The following LAMB1 variants were observed in gnomAD, a reference collection of about 807,000 sequenced individuals.
LAMB1 encodes laminin subunit beta-1.
Under a neutral mutation model 222.3 loss-of-function variants are expected in LAMB1, and 121 were observed. The ratio of observed to expected loss-of-function variants is 0.54; its 90% CI spans 0.47 to 0.63. LAMB1 has a LOEUF of 0.63. Ranked by LOEUF, LAMB1 falls within the 30% of genes least tolerant of loss-of-function variation. The probability of loss-of-function intolerance (pLI) is 0.00; values close to 1 mark genes in which losing one functional copy is unlikely to be tolerated. For missense variants in LAMB1, 2,172 were observed against 2,240.8 expected, an observed-to-expected ratio of 0.97 and a Z score of 0.62; for synonymous variants, 794 against 807.2, an observed-to-expected ratio of 0.98 and a Z score of 0.28.
At chr7:107,974,512 A>C (rs964300841) in intron 12 of LAMB1, among the ~76,000 whole-genome samples, 1 of 152,190 alleles carries the variant, frequency 6.6e-6, no homozygotes, top group Non-Finnish European at 1.5e-5. Flanking sequence ...TAAAAGATGC[A>C]ATGAGTCTTC....
chr7:107,949,669 C>T (rs181811182), intron 24 of LAMB1, among the ~76,000 whole-genome samples: 1 of 152,266 alleles, frequency 6.6e-6, no homozygotes, highest in East Asian at 1.9e-4. Flanking sequence ...AACATTATCC[C>T]CACTGTGAAA....
At position 107,940,342 on chromosome 7, in the gene LAMB1, G is replaced by C; in HGVS notation, c.3408C>G (p.Pro1136=). ...CACACTGTGGCGTCTCAATGCCCCT[G>C]GGGTCACAGTCACAGGCTAGAAGGG... ...DVECRACDCD[P]RGIETPQCDQ... Residue 1136 remains proline, a synonymous_variant, in exon 25 of 34, where the codon CCC becomes CCG. Coordinates refer to ENST00000222399, the MANE Select transcript of LAMB1 (RefSeq NM_002291.3). 1 of 1,613,526 alleles carries C rather than the reference G, an allele frequency of 6.2e-7. No individual in the cohort carries two copies. Among genetic ancestry groups the C allele is most frequent in the Non-Finnish European group, 8.5e-7 (1 of 1,179,508 alleles).
Position 107,931,481 on chromosome 7 carries a change from C to T in LAMB1, c.4412G>A (p.Arg1471Lys), listed in dbSNP as rs2032709745. The change falls in exon 29 of 34, where the codon AGG becomes AAG. Residue 1471 changes from arginine (R) to lysine (K), a missense_variant. Physicochemically the swap from Arg to Lys is conservative, Grantham distance 26 (BLOSUM62 2). Coordinates refer to ENST00000222399, the MANE Select transcript of LAMB1 (RefSeq NM_002291.3). ...LSKMVSEAKL[R>K]ADEAKQSAED... ...AGCACTTTGTTTTGCCTCATCTGCC[C>T]TCAGTTTTGCTTCAGAGACCTAAAT... 6.2e-7 allele frequency: 1 copy of T among 1,613,478 alleles called. No individual in the cohort carries two copies. The highest frequency in any genetic ancestry group is 8.5e-7 in the Non-Finnish European group (1 of 1,179,828).
intron 24 of LAMB1, among the ~76,000 whole-genome samples, chr7:107,950,061 C>G (rs544908961): frequency 6.6e-6 from 1 of 152,140 alleles, no homozygotes; most frequent in Non-Finnish European, 1.5e-5. Context: ...GAAACCCCAT[C>G]TCTACTAAAA....
At chr7:107,936,971 G>T in intron 26 of LAMB1, 122 bp downstream of exon 26, 1 of 778,172 alleles carries the variant, frequency 1.3e-6, no homozygotes, top group Non-Finnish European at 2.0e-6. Context: ...CCAGAAACTG[G>T]ATGAGCAAAA....
intron 26 of LAMB1, 22 bp downstream of exon 26, chr7:107,937,071 A>C: frequency 6.2e-7 from 1 of 1,601,048 alleles, no homozygotes; most frequent in Non-Finnish European, 8.6e-7. Flanking sequence ...GTCTGGGACT[A>C]TTTGCACCAA....
At chr7:107,931,555 C>A in intron 28 of LAMB1, 55 bp from the exon 29 acceptor site, 1 of 1,499,816 alleles carries the variant, frequency 6.7e-7, no homozygotes, top group East Asian at 2.3e-5. Flanking sequence ...CTAAAGGAGA[C>A]CAGAATATTG....
At chr7:107,963,154 T>A in intron 14 of LAMB1, 91 bp from the exon 15 acceptor site, 1 of 1,228,794 alleles carries the variant, frequency 8.1e-7, no homozygotes, top group Admixed American at 2.3e-5. Flanking sequence ...ACCCAAAGAT[T>A]CAAAAAGGGT....
intron 5 of LAMB1, among the ~76,000 whole-genome samples, chr7:107,993,849 C>CCCA (rs1189317501): frequency 2.6e-5 from 4 of 152,166 alleles, no homozygotes; most frequent in Non-Finnish European, 5.9e-5. Flanking sequence ...AGTCACAGTG[C>CCCA]CCACCTTCCT....
At chr7:107,959,883 C>CGG in intron 18 of LAMB1, 49 bp from the exon 19 acceptor site, 1 of 1,583,830 alleles carries the variant, frequency 6.3e-7, no homozygotes, top group Non-Finnish European at 8.6e-7. Context: ...AGCACATCAT[C>CGG]GGGCTCTCCC....
At chr7:107,942,332 T>C (rs1456252389) in intron 24 of LAMB1, 1 of 152,270 alleles carries the variant, frequency 6.6e-6, no homozygotes, top group Non-Finnish European at 1.5e-5. Flanking sequence ...CCAGAACCAG[T>C]TATACTGAGG....
In LAMB1 at chr7:107,929,243, A is replaced by T. The variant is rs372790348; in HGVS notation, c.4746-38T>A. The T allele has an allele frequency of 1.9e-6, 3 of 1,610,856 alleles. No individual in the cohort carries two copies. The African/African-American group carries it at 4.0e-5, about 22-fold the overall frequency. ...TAATGAGACAGTATATTGTTGCTGA[A>T]CATGAAAAAAGTACTCTCAGTGTTC... On this transcript the variant is annotated intron_variant, in intron 30 of 33. Coordinates refer to ENST00000222399, the MANE Select transcript of LAMB1 (RefSeq NM_002291.3).
chr7:107,943,429 ATAACT>A (rs1435441841), intron 24 of LAMB1, among the ~76,000 whole-genome samples: 1 of 152,214 alleles, frequency 6.6e-6, no homozygotes, highest in Non-Finnish European at 1.5e-5. Flanking sequence ...TAACTTACAA[ATAACT>A]TAAATAACTT....
Position 107,994,817 on chromosome 7 carries a change from A to T in LAMB1, c.423+70T>A, listed in dbSNP as rs1368877233. 7.3e-6 allele frequency: 6 copies of T among 820,162 alleles called. No individual in the cohort carries two copies. In the African/African-American group the frequency reaches 1.0e-4, roughly 14 times the overall value. 50.8% of individuals were successfully genotyped at this position (820,162 alleles called of 1,614,324 possible). A position where few individuals can be genotyped will look rare whatever the true frequency, so the allele number is the denominator to read the frequency against. ...CCATTTAGGTCAACTCACATCTGAC[A>T]TCCATTTTGAAAGGGGACATTACAC... is the stretch of plus-strand genomic sequence containing the variant. On this transcript the variant is annotated intron_variant, in intron 5 of 33. Coordinates refer to ENST00000222399, the MANE Select transcript of LAMB1 (RefSeq NM_002291.3).
intron 7 of LAMB1, 81 bp downstream of exon 7, chr7:107,985,941 G>T: frequency 9.1e-7 from 1 of 1,098,684 alleles, no homozygotes; most frequent in Non-Finnish European, 1.4e-6. Context: ...TGGGCAACAA[G>T]AGCGGAACTC....
chr7:107,945,633 A>C (rs773023073), intron 24 of LAMB1, among the ~76,000 whole-genome samples: 7 of 152,264 alleles, frequency 4.6e-5, no homozygotes, highest in Non-Finnish European at 1.0e-4. Flanking sequence ...AGGGCCACAT[A>C]GGCCTGGCTT....
intron 5 of LAMB1, among the ~76,000 whole-genome samples, chr7:107,987,512 T>A (rs558677172): frequency 3.3e-5 from 5 of 152,284 alleles, no homozygotes; most frequent in Non-Finnish European, 7.4e-5. Flanking sequence ...TCAAATTGGA[T>A]CTTTTTTTGA....
chr7:107,934,902 TAAA>T (rs60067306), intron 27 of LAMB1, among the ~76,000 whole-genome samples: 42,647 of 76,308 alleles, frequency 0.56, 11,009 homozygotes, highest in East Asian at 0.81. Flanking sequence ...TCCATCTCTT[TAAA>T]AAAAAAAAAA....
chr7:107,967,317 T>C (rs548548314), intron 13 of LAMB1, among the ~76,000 whole-genome samples: 6 of 152,320 alleles, frequency 3.9e-5, no homozygotes, highest in Admixed American at 2.6e-4. Context: ...ACTGCGTCAG[T>C]CCAGGATGGC....
Sources: gnomAD v4.1 joint callset for allele counts (sites outside exome capture counted in the v4.1 genomes callset) on GRCh38, gnomAD v4.1.1 for gene constraint, MANE v1.5 for transcripts, NCBI Gene and HGNC (gene_info 2026-07-23, HGNC 2026-07-21) for gene names.